Variants in NEK1 observed in about 807,000 individuals in gnomAD.
The protein encoded by NEK1 is serine/threonine-protein kinase Nek1.
Under a neutral mutation model 182.1 loss-of-function variants are expected in NEK1, and 137 were observed. The observed-to-expected ratio is 0.75, with a 90% CI of 0.65 to 0.87. The LOEUF (loss-of-function observed/expected upper bound fraction) is 0.87, where lower values mean the gene tolerates loss of function less well. NEK1 is among the 40% of genes least tolerant of loss of function. The probability of loss-of-function intolerance (pLI) is 0.00; values close to 1 mark genes in which losing one functional copy is unlikely to be tolerated. For synonymous variants in NEK1, 513 were observed against 492.2 expected, an observed-to-expected ratio of 1.04 and a Z score of -0.56; for missense variants, 1,391 against 1,494.4, an observed-to-expected ratio of 0.93 and a Z score of 1.14.
chr4:169,426,305 AC>A, intron 29 of NEK1, 71 bp from the exon 30 acceptor site: 1 of 1,241,414 alleles, frequency 8.1e-7, no homozygotes, highest in Non-Finnish European at 1.2e-6. Context: ...GCTCTAAAAT[AC>A]AGGAAATGGA....
chr4:169,463,214 G>C (rs888291959), intron 27 of NEK1, 29 bp downstream of exon 27: 1 of 1,286,912 alleles, frequency 7.8e-7, no homozygotes. Flanking sequence ...ATTACTTCTA[G>C]TATAGAAAAA....
chr4:169,604,914 A>G (rs1415021006), intron 2 of NEK1, among the ~76,000 whole-genome samples: 1 of 152,190 alleles, frequency 6.6e-6, no homozygotes, highest in African/African-American at 2.4e-5. Flanking sequence ...TGTTCCAAAT[A>G]TATTTTCAAG....
intron 19 of NEK1, among the ~76,000 whole-genome samples, chr4:169,524,693 T>C (rs1174003459): frequency 6.6e-6 from 1 of 152,184 alleles, no homozygotes; most frequent in African/African-American, 2.4e-5. Context: ...TGGAAAACTA[T>C]GGTCCATGGT....
chr4:169,448,518 T>C (rs566895500), intron 27 of NEK1, among the ~76,000 whole-genome samples: 2 of 151,814 alleles, frequency 1.3e-5, no homozygotes, highest in African/African-American at 4.8e-5. Flanking sequence ...AAAATGAAGA[T>C]ATGAAGGAAG....
intron 23 of NEK1, among the ~76,000 whole-genome samples, chr4:169,497,480 C>A (rs1751555497): frequency 6.6e-6 from 1 of 152,142 alleles, no homozygotes; most frequent in African/African-American, 2.4e-5. Flanking sequence ...TCCTCTAGTT[C>A]TTTTAATTGT....
At chr4:169,435,393 G>C (rs1468908899) in intron 28 of NEK1, among the ~76,000 whole-genome samples, 1 of 152,154 alleles carries the variant, frequency 6.6e-6, no homozygotes, top group Non-Finnish European at 1.5e-5. Flanking sequence ...TTGGGGGGTA[G>C]GGAGGGGAAC....
intron 28 of NEK1, among the ~76,000 whole-genome samples, chr4:169,435,260 G>T (rs993594727): frequency 6.6e-6 from 1 of 151,982 alleles, no homozygotes; most frequent in Non-Finnish European, 1.5e-5. Context: ...AAGCTCTCTG[G>T]CCTATTCTTA....
chr4:169,593,064 A>G (rs72692990), intron 5 of NEK1, among the ~76,000 whole-genome samples: 13,523 of 152,002 alleles, frequency 0.089, 780 homozygotes, highest in African/African-American at 0.16. Flanking sequence ...TTCTATTACC[A>G]TATTTCCCAT....
chr4:169,453,433 G>A (rs943618950), intron 27 of NEK1, among the ~76,000 whole-genome samples: 3 of 152,108 alleles, frequency 2.0e-5, no homozygotes, highest in South Asian at 4.1e-4. Flanking sequence ...TTGGGTACAA[G>A]CCCCCCAAAA....
chr4:169,471,013 T>TC (rs1745855628), intron 26 of NEK1, among the ~76,000 whole-genome samples: 2 of 152,088 alleles, frequency 1.3e-5, no homozygotes, highest in African/African-American at 4.8e-5. Context: ...ATTCTAGTGA[T>TC]AGTTCCTGTA....
At chr4:169,600,246 A>G (rs1428816606) in intron 4 of NEK1, among the ~76,000 whole-genome samples, 1 of 151,938 alleles carries the variant, frequency 6.6e-6, no homozygotes, top group Non-Finnish European at 1.5e-5. Context: ...TTAGAGTGCA[A>G]TGGCACGATG....
At chr4:169,550,893 G>T (rs28489925) in intron 18 of NEK1, among the ~76,000 whole-genome samples, 13,524 of 152,158 alleles carry the variant, frequency 0.089, 792 homozygotes, top group African/African-American at 0.16. Flanking sequence ...AATGACATGG[G>T]CTGAGCCTAT....
At chr4:169,588,968 A>G (rs1288839043) in intron 7 of NEK1, among the ~76,000 whole-genome samples, 1 of 152,194 alleles carries the variant, frequency 6.6e-6, no homozygotes, top group Non-Finnish European at 1.5e-5. Context: ...TAAACTCTAC[A>G]GTAGCATACA....
intron 18 of NEK1, among the ~76,000 whole-genome samples, chr4:169,545,380 T>C (rs547882414): frequency 6.6e-6 from 1 of 152,000 alleles, no homozygotes; most frequent in African/African-American, 2.4e-5. Flanking sequence ...GGATATGAAC[T>C]CATCATTTTT....
At chr4:169,490,272 A>T (rs1021982132) in intron 23 of NEK1, among the ~76,000 whole-genome samples, 8 of 152,142 alleles carry the variant, frequency 5.3e-5, no homozygotes, top group Non-Finnish European at 1.5e-5. Context: ...CCACTGCACC[A>T]CCACCCACAG....
intron 12 of NEK1, among the ~76,000 whole-genome samples, chr4:169,564,428 A>C (rs900377937): frequency 6.6e-6 from 1 of 152,154 alleles, no homozygotes; most frequent in Non-Finnish European, 1.5e-5. Context: ...AACATAAGTC[A>C]TTGATATAAA....
At chr4:169,477,647 A>G (rs1747216637) in intron 24 of NEK1, 150 bp from the exon 25 acceptor site, 2 of 586,664 alleles carry the variant, frequency 3.4e-6, no homozygotes, top group East Asian at 5.8e-5. Context: ...AGCTTCCTTC[A>G]TTATCAGCAA....
intron 26 of NEK1, among the ~76,000 whole-genome samples, chr4:169,467,282 T>C (rs1722904414): frequency 6.6e-6 from 1 of 152,110 alleles, no homozygotes; most frequent in African/African-American, 2.4e-5. Flanking sequence ...ACACAGATTT[T>C]TGACTACACG....
intron 27 of NEK1, among the ~76,000 whole-genome samples, chr4:169,457,648 G>A (rs1033949607): frequency 7.1e-6 from 1 of 140,106 alleles, no homozygotes; most frequent in Non-Finnish European, 1.5e-5. Flanking sequence ...GAGAGAAAGT[G>A]CGGGGCAGGG....
Sources: allele counts gnomAD v4.1 joint callset (sites outside exome capture counted in the v4.1 genomes callset), GRCh38; gene constraint gnomAD v4.1.1; transcripts MANE v1.5; gene names NCBI Gene and HGNC (gene_info 2026-07-23, HGNC 2026-07-21).